Variants in SLC4A4 observed in about 807,000 individuals in gnomAD.
SLC4A4 encodes the protein solute carrier family 4 member 4.
A neutral mutation model predicts 111.5 loss-of-function variants in SLC4A4; 27 were observed. That is an observed-to-expected ratio of 0.24 (90% CI 0.18 to 0.33). The LOEUF (loss-of-function observed/expected upper bound fraction) is 0.33. Among genes scored for constraint, SLC4A4 ranks in the 10% least tolerant of loss-of-function variants. The pLI is 1.00. For synonymous variants in SLC4A4, 443 were observed against 463.4 expected (o/e 0.96, Z 0.57); for missense variants, 909 against 1,315.5 (o/e 0.69, Z 4.78).
At chr4:71,093,693 A>C (rs1474217755) in intron 2 of SLC4A4, among the ~76,000 whole-genome samples, 1 of 152,128 alleles carries the variant, frequency 6.6e-6, no homozygotes, top group Non-Finnish European at 1.5e-5. Flanking sequence ...AATAGGTGAA[A>C]AATGAGCGTG....
At chr4:71,156,572 ATGCGCGCGCGCGCG>A (rs1225334193) in intron 2 of SLC4A4, among the ~76,000 whole-genome samples, 203 of 26,060 alleles carry the variant, frequency 7.8e-3, no homozygotes, top group African/African-American at 9.8e-3. Context: ...GTGTGCGCGC[ATGCGCGCGCGCGCG>A]CGCACACACA....
intron 23 of SLC4A4, among the ~76,000 whole-genome samples, chr4:71,562,126 C>G (rs1039221035): frequency 6.6e-6 from 1 of 151,756 alleles, no homozygotes; most frequent in African/African-American, 2.4e-5. Flanking sequence ...TTAATATTTA[C>G]CATGTTCAAC....
At chr4:71,459,222 G>A (rs960044932) in intron 12 of SLC4A4, among the ~76,000 whole-genome samples, 2 of 151,904 alleles carry the variant, frequency 1.3e-5, no homozygotes, top group Admixed American at 6.6e-5. Context: ...AGTGATTTAG[G>A]CAGGGATGTG....
chr4:71,165,310 C>T (rs781199815), intron 2 of SLC4A4, among the ~76,000 whole-genome samples: 3 of 152,294 alleles, frequency 2.0e-5, no homozygotes, highest in Non-Finnish European at 4.4e-5. Flanking sequence ...ACCCAAATGC[C>T]CATCAATGAT....
intron 3 of SLC4A4, among the ~76,000 whole-genome samples, chr4:71,311,261 C>G (rs1726129191): frequency 6.6e-6 from 1 of 152,150 alleles, no homozygotes; most frequent in Admixed American, 6.5e-5. Flanking sequence ...TTTAACACCC[C>G]ACTGTCAATA....
intron 3 of SLC4A4, among the ~76,000 whole-genome samples, chr4:71,317,504 A>G (rs951881649): frequency 2.0e-5 from 3 of 152,132 alleles, no homozygotes; most frequent in Non-Finnish European, 2.9e-5. Flanking sequence ...AGCTTAGTGT[A>G]GGAAAAGTTT....
At chr4:71,469,017 A>G in intron 13 of SLC4A4, among the ~76,000 whole-genome samples, 1 of 152,006 alleles carries the variant, frequency 6.6e-6, no homozygotes, top group Admixed American at 6.6e-5. Context: ...GGAGAATTAT[A>G]AAGGAATATG....
At chr4:71,372,858 T>A (rs1236966501) in intron 6 of SLC4A4, among the ~76,000 whole-genome samples, 3 of 151,960 alleles carry the variant, frequency 2.0e-5, no homozygotes, top group African/African-American at 4.8e-5. Flanking sequence ...TTTTTTTTTT[T>A]ATTTAATGAA....
intron 20 of SLC4A4, 21 bp from the exon 21 acceptor site, chr4:71,555,119 T>C (rs1363919143): frequency 1.3e-6 from 2 of 1,531,984 alleles, no homozygotes; most frequent in East Asian, 2.3e-5. Context: ...TTTTAAGTTG[T>C]ATCCATTTTT....
intron 2 of SLC4A4, among the ~76,000 whole-genome samples, chr4:71,157,206 A>G (rs1243084323): frequency 1.3e-5 from 2 of 152,208 alleles, no homozygotes; most frequent in Non-Finnish European, 1.5e-5. Context: ...GTCACTATCA[A>G]AGAAAAAGGA....
chr4:71,231,955 T>C (rs1719459661), intron 1 of SLC4A4, among the ~76,000 whole-genome samples: 1 of 152,146 alleles, frequency 6.6e-6, no homozygotes, highest in Admixed American at 6.5e-5. Flanking sequence ...ACCCAAATAA[T>C]TGACATTTGT....
chr4:71,223,502 C>T (rs1164600101), intron 1 of SLC4A4, among the ~76,000 whole-genome samples: 1 of 152,168 alleles, frequency 6.6e-6, no homozygotes, highest in Non-Finnish European at 1.5e-5. Context: ...GAGATCTGTG[C>T]TCAATCAGGG....
intron 3 of SLC4A4, among the ~76,000 whole-genome samples, chr4:71,282,354 C>A (rs1292836786): frequency 6.6e-6 from 1 of 151,438 alleles, no homozygotes; most frequent in Non-Finnish European, 1.5e-5. Flanking sequence ...AGTGCAATCT[C>A]AGCTCACTGC....
At chr4:71,488,817 A>G (rs1729641468) in intron 15 of SLC4A4, among the ~76,000 whole-genome samples, 1 of 151,360 alleles carries the variant, frequency 6.6e-6, no homozygotes, top group Non-Finnish European at 1.5e-5. Context: ...CATATGCATC[A>G]ATTGCATACC....
Position 71,430,866 on chromosome 4 carries a change from T to C in SLC4A4, c.808-9750T>C, listed in dbSNP as rs139769053. Among the ~76,000 whole-genome samples, 7 of 152,282 alleles carry C rather than the reference T, an allele frequency of 4.6e-5. No homozygotes were observed. The East Asian group carries it at 9.7e-4, about 21-fold the overall frequency. ...ATTTTTCCAAAAGGTTTCATCCCTG[T>C]GATTGGCCTCCATGCTGTAGACCAA... On this transcript the variant is annotated intron_variant, in intron 7 of 25. Coordinates refer to ENST00000264485, the MANE Select transcript of SLC4A4 (RefSeq NM_001098484.3).
intron 20 of SLC4A4, among the ~76,000 whole-genome samples, chr4:71,551,080 G>C (rs1157903464): frequency 6.6e-6 from 1 of 151,830 alleles, no homozygotes; most frequent in Non-Finnish European, 1.5e-5. Flanking sequence ...CCTGGTAAGT[G>C]AGTATTCTGT....
chr4:71,471,316 G>T (rs1727846105), intron 13 of SLC4A4, among the ~76,000 whole-genome samples: 1 of 151,952 alleles, frequency 6.6e-6, no homozygotes, highest in South Asian at 2.1e-4. Flanking sequence ...AAAGATTTAA[G>T]CTAGGGTGTC....
At chr4:71,213,017 G>A (rs1718225665) in intron 1 of SLC4A4, among the ~76,000 whole-genome samples, 1 of 152,200 alleles carries the variant, frequency 6.6e-6, no homozygotes, top group Non-Finnish European at 1.5e-5. Flanking sequence ...GTACAGTCAT[G>A]TGCTGTATGG....
intron 3 of SLC4A4, among the ~76,000 whole-genome samples, chr4:71,291,426 A>G (rs139122496): frequency 5.5e-4 from 84 of 152,212 alleles, no homozygotes; most frequent in African/African-American, 2.0e-3. Flanking sequence ...ATTGACCTAT[A>G]GTTTTTTTGT....
Sources: allele counts gnomAD v4.1 joint callset (sites outside exome capture counted in the v4.1 genomes callset), GRCh38; gene constraint gnomAD v4.1.1; transcripts MANE v1.5; gene names NCBI Gene and HGNC (gene_info 2026-07-23, HGNC 2026-07-21).